ASTN1: variants seen among roughly 807,000 people sequenced by gnomAD.
The protein encoded by ASTN1 is astrotactin 1, also known as astrotactin-1.
A neutral mutation model predicts 140.7 loss-of-function variants in ASTN1; 41 were observed. The observed-to-expected ratio is 0.29, with a 90% CI of 0.23 to 0.38. The LOEUF (loss-of-function observed/expected upper bound fraction) is 0.38, where lower values mean the gene tolerates loss of function less well. Among genes scored for constraint, ASTN1 ranks in the 10% least tolerant of loss-of-function variants. ASTN1 has a pLI of 1.00. For synonymous variants in ASTN1, 640 were observed against 652.2 expected, an observed-to-expected ratio of 0.98 and a Z score of 0.29; for missense variants, 1,479 against 1,678.8, an observed-to-expected ratio of 0.88 and a Z score of 2.08.
intron 5 of ASTN1, among the ~76,000 whole-genome samples, chr1:177,028,911 G>A (rs1378043955): frequency 6.6e-6 from 1 of 152,208 alleles, no homozygotes; most frequent in African/African-American, 2.4e-5. Context: ...AAAGCTGACC[G>A]GCGCTTGTGC....
At position 177,024,609 on chromosome 1, in the gene ASTN1, T is replaced by G; in HGVS notation, c.1244A>C (p.His415Pro). 6.2e-7 allele frequency: 1 copy of G among 1,613,950 alleles called. No individual in the cohort carries two copies. Among genetic ancestry groups the G allele is most frequent in the Non-Finnish European group, 8.5e-7 (1 of 1,179,984 alleles). Reference sequence around the variant, plus strand: ...ATCAGCAATCAGGTGCTCAGGGACATGCAGGGTGATCTTGACAACGAGAGG... The same window carrying G: ...ATCAGCAATCAGGTGCTCAGGGACAGGCAGGGTGATCTTGACAACGAGAGG... ...NCPLVVKITL[H>P]VPEHLIADGS... Residue 415 changes from histidine (H) to proline (P), a missense_variant, in exon 6 of 23, where the codon CAT becomes CCT. By Grantham distance (77) the His-to-Pro change is moderately conservative. Around this residue, in one of 3 missense-constraint regions of ASTN1, gnomAD observed 729 missense variants for 860.4 expected, o/e 0.85. Coordinates refer to ENST00000361833, the MANE Select transcript of ASTN1 (RefSeq NM_004319.3).
intron 3 of ASTN1, among the ~76,000 whole-genome samples, chr1:177,031,841 G>T (rs1676459888): frequency 6.6e-6 from 1 of 152,148 alleles, no homozygotes; most frequent in East Asian, 1.9e-4. Flanking sequence ...TGCAGTTTTT[G>T]ACCCTAATCT....
intron 5 of ASTN1, among the ~76,000 whole-genome samples, chr1:177,026,639 G>T (rs1306352469): frequency 6.6e-6 from 1 of 152,092 alleles, no homozygotes; most frequent in Non-Finnish European, 1.5e-5. Context: ...GTGTACAAGG[G>T]TTCCCTTTTC....
chr1:176,967,324 A>G (rs1228736232), intron 8 of ASTN1, among the ~76,000 whole-genome samples: 1 of 152,148 alleles, frequency 6.6e-6, no homozygotes, highest in Non-Finnish European at 1.5e-5. Flanking sequence ...TGCTGAACAG[A>G]AAAAGGTGGT....
chr1:176,969,713 C>T (rs540854754), intron 8 of ASTN1, among the ~76,000 whole-genome samples: 2 of 152,296 alleles, frequency 1.3e-5, no homozygotes, highest in Admixed American at 6.5e-5. Flanking sequence ...TCGGAAGGAA[C>T]TTTCAGTCTC....
intron 16 of ASTN1, among the ~76,000 whole-genome samples, chr1:176,933,638 T>C (rs1206265390): frequency 6.6e-6 from 1 of 152,224 alleles, no homozygotes; most frequent in Admixed American, 6.5e-5. Flanking sequence ...TTCAGAGCTA[T>C]ATAAACACTT....
At chr1:176,992,816 T>C (rs1054727417) in intron 8 of ASTN1, among the ~76,000 whole-genome samples, 3 of 152,170 alleles carry the variant, frequency 2.0e-5, no homozygotes, top group Non-Finnish European at 4.4e-5. Context: ...GATTTAGTGT[T>C]TATTGAACAG....
At chr1:176,865,150 T>G (rs1004992866) in intron 22 of ASTN1, among the ~76,000 whole-genome samples, 4 of 152,066 alleles carry the variant, frequency 2.6e-5, no homozygotes, top group Non-Finnish European at 5.9e-5. Flanking sequence ...TCCACCTCCC[T>G]CAGAAAGTCA....
Position 177,096,397 on chromosome 1 carries a change from T to C in ASTN1, c.284-35132A>G, listed in dbSNP as rs116463751. 3.6e-3 allele frequency among the ~76,000 whole-genome samples: 542 copies of C among 152,228 alleles called. 2 individuals are homozygous for C. Among genetic ancestry groups the C allele is most frequent in the African/African-American group, 0.013 (523 of 41,534 alleles). On this transcript the variant is annotated intron_variant, in intron 1 of 22. Coordinates refer to ENST00000361833, the MANE Select transcript of ASTN1 (RefSeq NM_004319.3). Reference sequence around the variant, plus strand: ...TCTGAATGTTTGTGTCTCCCAAACATCATATGTTGAAACCCAATCATTAAT... The same window carrying C: ...TCTGAATGTTTGTGTCTCCCAAACACCATATGTTGAAACCCAATCATTAAT...
intron 1 of ASTN1, among the ~76,000 whole-genome samples, chr1:177,105,480 A>G (rs372968259): frequency 9.9e-5 from 15 of 152,132 alleles, no homozygotes; most frequent in East Asian, 3.9e-4. Flanking sequence ...TATTTTTCCC[A>G]TATTCCTCTC....
At chr1:177,122,122 T>A (rs1164917674) in intron 1 of ASTN1, among the ~76,000 whole-genome samples, 1 of 152,108 alleles carries the variant, frequency 6.6e-6, no homozygotes, top group Admixed American at 6.5e-5. Context: ...ACCTGCCAAA[T>A]CCCATTCTCC....
intron 8 of ASTN1, among the ~76,000 whole-genome samples, chr1:176,975,212 C>A (rs1038073534): frequency 8.5e-5 from 13 of 152,206 alleles, no homozygotes; most frequent in African/African-American, 2.9e-4. Flanking sequence ...ACAAGCCAGG[C>A]AGGTACTCTA....
At chr1:177,003,299 G>T (rs911923030) in intron 8 of ASTN1, among the ~76,000 whole-genome samples, 2 of 149,176 alleles carry the variant, frequency 1.3e-5, no homozygotes, top group African/African-American at 5.0e-5. Context: ...CACCATAGTC[G>T]AATGAGTTTC....
intron 8 of ASTN1, among the ~76,000 whole-genome samples, chr1:176,982,152 C>G (rs540650798): frequency 1.3e-5 from 2 of 152,198 alleles, no homozygotes; most frequent in East Asian, 3.9e-4. Context: ...AAATTTCCTT[C>G]TCCAGGGGAC....
In ASTN1 at chr1:177,030,826, C is replaced by T. The variant is rs771685991; in HGVS notation, c.992G>A (p.Arg331Gln). Residue 331 changes from arginine to glutamine, a missense_variant, in exon 4 of 23, where the codon CGG becomes CAG. Arg to Gln is a conservative substitution (Grantham distance 43). This residue lies in a region of ASTN1 where 729 missense variants were observed against 860.4 expected (regional missense o/e 0.85). Transcript: ENST00000361833. ...LSHTSSSQRKRINNKARAGSA... is the reference protein window; with the variant it reads ...LSHTSSSQRKQINNKARAGSA... Reference sequence around the variant, plus strand: ...CATACCTCTTGCTTTGTTGTTGATCCGCTTTCTCTGGCTGCTGGAGGTGTG... The same window carrying T: ...CATACCTCTTGCTTTGTTGTTGATCTGCTTTCTCTGGCTGCTGGAGGTGTG... 100 of 1,613,990 alleles carry T rather than the reference C, an allele frequency of 6.2e-5. 1 individual carries two copies. The highest frequency in any genetic ancestry group is 1.7e-4 in the Admixed American group (10 of 60,000).
intron 13 of ASTN1, 54 bp downstream of exon 13, chr1:176,945,872 A>T: frequency 6.6e-7 from 1 of 1,511,692 alleles, no homozygotes; most frequent in Non-Finnish European, 9.0e-7. Flanking sequence ...CAAACTCTTT[A>T]GAGAAAGTCC....
chr1:176,962,372 G>T (rs1672700953), intron 9 of ASTN1, among the ~76,000 whole-genome samples: 1 of 152,146 alleles, frequency 6.6e-6, no homozygotes, highest in Non-Finnish European at 1.5e-5. Context: ...GAACATCAAG[G>T]TCTTTCCTTA....
chr1:177,094,927 T>C (rs189630229), intron 1 of ASTN1, among the ~76,000 whole-genome samples: 2 of 152,248 alleles, frequency 1.3e-5, no homozygotes, highest in African/African-American at 4.8e-5. Flanking sequence ...TAAATACAGA[T>C]GATAAAGGCC....
At chr1:176,935,412 T>C (rs182121568) in intron 15 of ASTN1, among the ~76,000 whole-genome samples, 7 of 152,352 alleles carry the variant, frequency 4.6e-5, no homozygotes, top group African/African-American at 1.7e-4. Flanking sequence ...TCTTTCTAGA[T>C]GTGCTGCACC....
Sources: gnomAD v4.1 joint callset for allele counts (sites outside exome capture counted in the v4.1 genomes callset) on GRCh38, gnomAD v4.1.1 for gene constraint, gnomAD v4.1.1 regional missense constraint, MANE v1.5 for transcripts, NCBI Gene and HGNC (gene_info 2026-07-23, HGNC 2026-07-21) for gene names.